ARID1B: variants seen among roughly 807,000 people sequenced by gnomAD.
ARID1B encodes AT-rich interactive domain-containing protein 1B.
In ARID1B, 30 loss-of-function variants were observed where a neutral mutation model predicts 212.3. That is an observed-to-expected ratio of 0.14 (90% CI 0.11 to 0.19). The LOEUF is 0.19. ARID1B is among the 10% of genes least tolerant of loss of function. The pLI is 1.00. For missense variants in ARID1B, 2,891 were observed against 3,204.0 expected (o/e 0.90, Z 2.36); for synonymous variants, 1,402 against 1,301.7 (o/e 1.08, Z -1.66).
intron 2 of ARID1B, among the ~76,000 whole-genome samples, chr6:156,856,895 T>C (rs1562439017): frequency 6.6e-6 from 1 of 151,978 alleles, no homozygotes; most frequent in South Asian, 2.1e-4. Context: ...ACTGGACCGT[T>C]GGGAGCTTGA....
chr6:156,988,133 A>G (rs1420018258), intron 4 of ARID1B, among the ~76,000 whole-genome samples: 1 of 152,180 alleles, frequency 6.6e-6, no homozygotes, highest in Non-Finnish European at 1.5e-5. Flanking sequence ...GTGAAGGTAG[A>G]GGGATTATTG....
In ARID1B at chr6:157,190,195, G is replaced by C. The variant is rs1562336529; in HGVS notation, c.4216G>C (p.Gly1406Arg). ...CTATGAGCCCAACAAGGACCCCTTT[G>C]GGGGAATGAGAAAAGGTACGTGTAG... The part of the protein sequence containing the change: ...MPYEPNKDPF[G>R]GMRKVPGSSE... Residue 1406 changes from glycine (G) to arginine (R), a missense_variant, in exon 15 of 20, where the codon GGG becomes CGG. By Grantham distance (125) the Gly-to-Arg change is moderately radical. Coordinates refer to ENST00000636930, the MANE Select transcript of ARID1B (RefSeq NM_001374828.1). This position sits in a 1 kb window ranked among gnomAD's most constrained non-coding sequence, Gnocchi z 4.6. 1.2e-6 allele frequency: 2 copies of C among 1,612,282 alleles called. No homozygotes were observed. Among genetic ancestry groups the C allele is most frequent in the Non-Finnish European group, 1.7e-6 (2 of 1,179,518 alleles).
chr6:156,978,689 A>G (rs1240785275), intron 4 of ARID1B, among the ~76,000 whole-genome samples: 1 of 152,202 alleles, frequency 6.6e-6, no homozygotes. Flanking sequence ...CTTTACTTAA[A>G]ATCTCATTTA....
chr6:157,193,231 T>G (rs369513503), intron 15 of ARID1B, among the ~76,000 whole-genome samples: 1 of 152,222 alleles, frequency 6.6e-6, no homozygotes, highest in East Asian at 1.9e-4. Flanking sequence ...TAGTAATGGG[T>G]GAGTTGTTCC....
chr6:156,880,513 A>G (rs1289488552), intron 2 of ARID1B, among the ~76,000 whole-genome samples: 2 of 152,096 alleles, frequency 1.3e-5, no homozygotes, highest in East Asian at 3.9e-4. Context: ...CGAGGCTGGC[A>G]GATTAGCTGA....
chr6:156,790,499 A>G (rs1202834646), intron 1 of ARID1B, among the ~76,000 whole-genome samples: 1 of 152,202 alleles, frequency 6.6e-6, no homozygotes, highest in Non-Finnish European at 1.5e-5. Flanking sequence ...GTTGAAGGAA[A>G]TGGGTGTCTG....
At chr6:156,888,219 T>C (rs768068177) in intron 2 of ARID1B, among the ~76,000 whole-genome samples, 3 of 152,228 alleles carry the variant, frequency 2.0e-5, no homozygotes, top group Non-Finnish European at 4.4e-5. Context: ...TTTTGTGCTT[T>C]ATAAAAATAG....
chr6:157,007,458 C>T lies in ARID1B; in HGVS notation c.2247+71882C>T, dbSNP rs1445158781. ...GCACTCTAAAGCTCTTCTTTAAATA[C>T]ATTAATGTTTTCTACATATTTTGGC... On this transcript the variant is annotated intron_variant, in intron 4 of 19. Coordinates refer to ENST00000636930, the MANE Select transcript of ARID1B (RefSeq NM_001374828.1). Among the ~76,000 whole-genome samples the T allele has an allele frequency of 2.0e-5, 3 of 152,274 alleles. No homozygotes were observed. In the East Asian group the frequency reaches 5.8e-4, roughly 29 times the overall value.
rs568851109 is a variant in ARID1B at position 157,152,953 on chromosome 6, C to A, written c.3089+4002C>A. Among the ~76,000 whole-genome samples, 18 of 152,246 alleles carry A rather than the reference C, an allele frequency of 1.2e-4. No homozygotes were observed. In the South Asian group the frequency reaches 2.1e-3, roughly 18 times the overall value. On this transcript the variant is annotated intron_variant, in intron 8 of 19. Coordinates refer to ENST00000636930, the MANE Select transcript of ARID1B (RefSeq NM_001374828.1). ...AGCCCATGGAAGAATCTGAAAAGGA[C>A]AAATTAATGATGAAGGTGGAGCGTG...
chr6:157,200,571 C>T lies in ARID1B; in HGVS notation c.4480-134C>T, dbSNP rs1794023906. 8.3e-6 allele frequency: 8 copies of T among 964,246 alleles called. No homozygotes were observed. The South Asian group carries it at 1.4e-4, about 17-fold the overall frequency. The allele number at this position is 964,246 out of a possible 1,614,324, so 59.7% of individuals were successfully genotyped here. ...ATATTGAACATAAATTGTTAGTTCTCTGTTGTTATAGGAGCTTCCCATATT... is the reference window on the plus strand; with the variant it reads ...ATATTGAACATAAATTGTTAGTTCTTTGTTGTTATAGGAGCTTCCCATATT... On this transcript the variant is annotated intron_variant, in intron 17 of 19. Transcript: ENST00000636930. This position sits in a 1 kb window ranked among gnomAD's most constrained non-coding sequence, Gnocchi z 4.3.
chr6:157,090,619 C>A (rs571702672), intron 5 of ARID1B, among the ~76,000 whole-genome samples: 45 of 152,348 alleles, frequency 3.0e-4, no homozygotes, highest in African/African-American at 1.0e-3. Flanking sequence ...CTATCATAGA[C>A]AGAAACAAAA....
chr6:156,854,109 C>CT (rs1283728716), intron 2 of ARID1B, among the ~76,000 whole-genome samples: 2 of 152,106 alleles, frequency 1.3e-5, no homozygotes, highest in Admixed American at 6.6e-5. Context: ...AAAAAACAAA[C>CT]TTTTTTTGGT....
At chr6:156,884,744 C>T (rs1787373131) in intron 2 of ARID1B, among the ~76,000 whole-genome samples, 1 of 152,186 alleles carries the variant, frequency 6.6e-6, no homozygotes, top group African/African-American at 2.4e-5. Flanking sequence ...ACCGAATGCC[C>T]AGATACTAGT....
chr6:157,010,702 G>A (rs1441681871), intron 4 of ARID1B, among the ~76,000 whole-genome samples: 1 of 151,504 alleles, frequency 6.6e-6, no homozygotes, highest in Non-Finnish European at 1.5e-5. Context: ...CTTCTTTTCA[G>A]TTTAGGCAAA....
intron 2 of ARID1B, among the ~76,000 whole-genome samples, chr6:156,859,473 C>T (rs1042169135): frequency 6.6e-6 from 1 of 152,078 alleles, no homozygotes; most frequent in African/African-American, 2.4e-5. Context: ...TTCGCCTTCC[C>T]TTAAGAGTTG....
At chr6:157,049,381 A>G (rs1782442510) in intron 4 of ARID1B, among the ~76,000 whole-genome samples, 1 of 152,078 alleles carries the variant, frequency 6.6e-6, no homozygotes, top group Non-Finnish European at 1.5e-5. Flanking sequence ...TGGCCATGTG[A>G]AAAGGAGGGG....
chr6:156,874,551 AAATC>A (rs1786395350), intron 2 of ARID1B, among the ~76,000 whole-genome samples: 1 of 152,130 alleles, frequency 6.6e-6, no homozygotes, highest in African/African-American at 2.4e-5. Context: ...CCCAAACTAA[AAATC>A]AGCAGGTGCA....
chr6:156,926,315 AG>A (rs1224059493), intron 3 of ARID1B, among the ~76,000 whole-genome samples: 1 of 152,184 alleles, frequency 6.6e-6, no homozygotes, highest in East Asian at 1.9e-4. Flanking sequence ...TGTTTTGTTT[AG>A]GATAGCTAAG....
At chr6:156,861,633 TAATA>T (rs958934656) in intron 2 of ARID1B, among the ~76,000 whole-genome samples, 7 of 151,986 alleles carry the variant, frequency 4.6e-5, no homozygotes, top group Admixed American at 2.0e-4. Context: ...AATAAAAAAT[TAATA>T]AATAAATAAG....
Sources: gnomAD v4.1 joint callset for allele counts (sites outside exome capture counted in the v4.1 genomes callset) on GRCh38, gnomAD v4.1.1 for gene constraint, Gnocchi (gnomAD v3.1) non-coding constraint, MANE v1.5 for transcripts, NCBI Gene and HGNC (gene_info 2026-07-23, HGNC 2026-07-21) for gene names.